TMEM164: variants seen among roughly 807,000 people sequenced by gnomAD.
TMEM164 encodes the protein RP13-360B22.2.
In TMEM164, 4 loss-of-function variants were observed where a neutral mutation model predicts 18.8. The ratio of observed to expected loss-of-function variants is 0.21; its 90% confidence interval spans 0.10 to 0.49. The LOEUF (loss-of-function observed/expected upper bound fraction) is 0.49, where lower values mean the gene tolerates loss of function less well. Among genes scored for constraint, TMEM164 ranks in the 20% least tolerant of loss-of-function variants. The pLI, the probability that TMEM164 is intolerant of heterozygous loss-of-function variation, is 0.98. For synonymous variants in TMEM164, 86 were observed against 101.7 expected, an observed-to-expected ratio of 0.85 and a Z score of 0.93; for missense variants, 108 against 239.9, an observed-to-expected ratio of 0.45 and a Z score of 3.63.
At chrX:110,173,110 T>C (rs747948369) in intron 6 of TMEM164, 135 bp from the exon 7 acceptor site, 15 of 606,869 alleles carry the variant, frequency 2.5e-5, no homozygotes, top group Admixed American at 6.7e-5. Flanking sequence ...AGAGAAGAAA[T>C]CCCTTTATAA....
At chrX:110,102,830 C>G (rs1472466894) in intron 3 of TMEM164, among the ~76,000 whole-genome samples, 1 of 112,322 alleles carries the variant, frequency 8.9e-6, no homozygotes, top group East Asian at 2.8e-4. Context: ...TCCAAACCCC[C>G]TTAACCATTT....
chrX:110,079,669 T>G (rs756296296), intron 3 of TMEM164, among the ~76,000 whole-genome samples: 1 of 111,600 alleles, frequency 9.0e-6, no homozygotes, highest in East Asian at 2.8e-4. Context: ...CTGAGCCAAT[T>G]GAGATGTCTG....
At chrX:110,049,953 C>A (rs897204817) in intron 2 of TMEM164, among the ~76,000 whole-genome samples, 14 of 111,668 alleles carry the variant, frequency 1.3e-4, no homozygotes, top group African/African-American at 3.9e-4. Context: ...AACTCAAAGG[C>A]CTTTGAGAGC....
chrX:110,114,422 G>T (rs2066332191), intron 4 of TMEM164, among the ~76,000 whole-genome samples: 1 of 111,920 alleles, frequency 8.9e-6, no homozygotes, highest in African/African-American at 3.2e-5. Flanking sequence ...GTGATACTGG[G>T]TTCCTTATCT....
chrX:110,072,901 G>A (rs1183245203), intron 3 of TMEM164, among the ~76,000 whole-genome samples: 1 of 109,469 alleles, frequency 9.1e-6, no homozygotes, highest in Non-Finnish European at 1.9e-5. Context: ...TATGTTGCAC[G>A]ATGCTGAGGT....
At chrX:110,033,449 A>G (rs929746099) in intron 2 of TMEM164, among the ~76,000 whole-genome samples, 1 of 111,922 alleles carries the variant, frequency 8.9e-6, no homozygotes, top group East Asian at 2.8e-4. Flanking sequence ...GACCATTTCT[A>G]TCCTTTGGCT....
At chrX:110,099,078 G>A (rs974457823) in intron 3 of TMEM164, among the ~76,000 whole-genome samples, 15 of 108,761 alleles carry the variant, frequency 1.4e-4, no homozygotes, top group African/African-American at 4.4e-4. Context: ...GATTACAGGC[G>A]TGAGCCACCG....
intron 2 of TMEM164, among the ~76,000 whole-genome samples, chrX:110,034,478 C>A (rs966074663): frequency 8.9e-6 from 1 of 112,698 alleles, no homozygotes; most frequent in Admixed American, 9.4e-5. Flanking sequence ...AACTACTCAA[C>A]TCTGCTATTG....
intron 5 of TMEM164, among the ~76,000 whole-genome samples, chrX:110,163,320 A>C (rs745498010): frequency 6.0e-4 from 68 of 112,442 alleles, no homozygotes; most frequent in Non-Finnish European, 1.1e-3. Context: ...CAGGTAAGAG[A>C]AACAGGTGAC....
intron 3 of TMEM164, among the ~76,000 whole-genome samples, chrX:110,087,363 TTTG>T (rs1453838022): frequency 1.8e-5 from 2 of 111,392 alleles, no homozygotes; most frequent in South Asian, 3.7e-4. Flanking sequence ...GGCTCTCTTG[TTTG>T]TTGTTGTTGT....
At chrX:110,150,382 T>C (rs925354183) in intron 5 of TMEM164, among the ~76,000 whole-genome samples, 2 of 112,114 alleles carry the variant, frequency 1.8e-5, no homozygotes, top group Non-Finnish European at 3.8e-5. Flanking sequence ...TTGTCACCCA[T>C]GGTCAGGGGT....
At chrX:110,078,077 C>T (rs1414251951) in intron 3 of TMEM164, among the ~76,000 whole-genome samples, 3 of 112,348 alleles carry the variant, frequency 2.7e-5, no homozygotes, top group Non-Finnish European at 3.8e-5. Context: ...GTGTTTCCTT[C>T]TCTCTCAGGA....
chrX:110,002,478 A>C (rs931773522), upstream of TMEM164, among the ~76,000 whole-genome samples: 6 of 107,444 alleles, frequency 5.6e-5, no homozygotes, highest in Non-Finnish European at 7.7e-5. Context: ...GGGTGAGGGG[A>C]GTGCCAGAGG....
intron 2 of TMEM164, chrX:110,046,067 G>A (rs1012237409): frequency 2.7e-6 from 2 of 753,051 alleles, no homozygotes; most frequent in Non-Finnish European, 3.1e-6. Context: ...CGACTTCTGG[G>A]TTGAGTCAAC....
chrX:110,157,879 GTTGATTGA>G (rs747308630), intron 5 of TMEM164, among the ~76,000 whole-genome samples: 1 of 110,909 alleles, frequency 9.0e-6, no homozygotes, highest in Non-Finnish European at 1.9e-5. Context: ...TGATTGGTTG[GTTGATTGA>G]TTGATTGATT....
Position 110,144,825 on chromosome X carries a change from A to G in TMEM164, c.535A>G (p.Ile179Val). ...LLPFELEIYY[I>V]QHVMLYVVPI... ...CCCCTTTGAATTGGAGATTTACTAC[A>G]TTCAGCATGTTATGCTCTACGTGGT... Residue 179 changes from isoleucine to valine, a missense_variant, in exon 5 of 7, where the codon ATT becomes GTT. By Grantham distance (29) the Ile-to-Val change is conservative. Coordinates refer to ENST00000372068, the MANE Select transcript of TMEM164 (RefSeq NM_032227.4). The G allele has an allele frequency of 1.7e-6, 2 of 1,208,542 alleles. No homozygotes were observed. The highest frequency in any genetic ancestry group is 1.8e-5 in the South Asian group (1 of 56,642).
intron 5 of TMEM164, among the ~76,000 whole-genome samples, chrX:110,157,991 A>G (rs768545029): frequency 9.0e-6 from 1 of 111,236 alleles, no homozygotes; most frequent in African/African-American, 3.3e-5. Context: ...GGTTTAAGCG[A>G]TTCTCCTGCC....
rs182432579 is a variant in TMEM164, at chrX:110,022,766, G to C, written c.390+18602G>C. On this transcript the variant is annotated intron_variant, in intron 2 of 6. Transcript: ENST00000372068. ...GTATTAGATGTGGTTTCTGCCCCCA[G>C]GGAACTTATTATCAAGGCTCATTAA... Among the ~76,000 whole-genome samples, 5 of 112,223 alleles carry C rather than the reference G, an allele frequency of 4.5e-5. No individual in the cohort carries two copies. In the East Asian group the frequency reaches 1.4e-3, roughly 31 times the overall value.
chrX:110,161,487 AGC>A (rs755271758), intron 5 of TMEM164, among the ~76,000 whole-genome samples: 1 of 112,088 alleles, frequency 8.9e-6, no homozygotes, highest in Admixed American at 9.4e-5. Context: ...CGAAGGGCTG[AGC>A]CTTGTGCAAC....
Sources: gnomAD v4.1 joint callset for allele counts (sites outside exome capture counted in the v4.1 genomes callset) on GRCh38, gnomAD v4.1.1 for gene constraint, MANE v1.5 for transcripts, NCBI Gene and HGNC (gene_info 2026-07-23, HGNC 2026-07-21) for gene names.